EYA1: variants seen among roughly 807,000 people sequenced by gnomAD.
EYA1 encodes EYA transcriptional coactivator and phosphatase 1, also known as protein phosphatase EYA1.
EYA1 carries 16 observed loss-of-function variants against 82.0 expected under a neutral mutation model. The observed-to-expected ratio is 0.20, with a 90% CI of 0.13 to 0.30. The LOEUF is 0.30. Among genes scored for constraint, EYA1 ranks in the 10% least tolerant of loss-of-function variants. The probability of loss-of-function intolerance (pLI) is 1.00; values close to 1 mark genes in which losing one functional copy is unlikely to be tolerated. For missense variants in EYA1, 633 were observed against 730.7 expected (o/e 0.87, Z 1.54); for synonymous variants, 261 against 264.4 (o/e 0.99, Z 0.12).
At chr8:71,438,817 G>A (rs1225012566) in intron 2 of EYA1, among the ~76,000 whole-genome samples, 2 of 152,194 alleles carry the variant, frequency 1.3e-5, no homozygotes, top group Non-Finnish European at 2.9e-5. Context: ...CTGCTGCTTA[G>A]ATGGCAAGGT....
intron 2 of EYA1, among the ~76,000 whole-genome samples, chr8:71,481,123 A>G (rs1487406914): frequency 6.6e-6 from 1 of 152,228 alleles, no homozygotes; most frequent in Non-Finnish European, 1.5e-5. Flanking sequence ...AAAATTATGC[A>G]CAAATAAAGA....
intron 2 of EYA1, among the ~76,000 whole-genome samples, chr8:71,473,944 C>T (rs991689972): frequency 6.6e-6 from 1 of 151,940 alleles, no homozygotes; most frequent in African/African-American, 2.4e-5. Context: ...CAAACTAAAA[C>T]AGGAACAGAA....
At chr8:71,422,813 G>T (rs548722451) in intron 2 of EYA1, among the ~76,000 whole-genome samples, 11 of 152,016 alleles carry the variant, frequency 7.2e-5, no homozygotes, top group Non-Finnish European at 1.0e-4. Flanking sequence ...GAGGGTAACC[G>T]CCCCCATGAC....
At chr8:71,545,706 C>T (rs955989024) in intron 1 of EYA1, among the ~76,000 whole-genome samples, 3 of 151,850 alleles carry the variant, frequency 2.0e-5, no homozygotes, top group Non-Finnish European at 4.4e-5. Flanking sequence ...GGATTATAGG[C>T]GCCCACCACC....
intron 6 of EYA1, among the ~76,000 whole-genome samples, chr8:71,318,438 T>C (rs184064695): frequency 2.0e-5 from 3 of 152,338 alleles, no homozygotes; most frequent in Admixed American, 2.0e-4. Flanking sequence ...AGTACCTTTG[T>C]TTTTATCATA....
At chr8:71,238,413 C>T (rs1162542547) in intron 12 of EYA1, among the ~76,000 whole-genome samples, 1 of 152,028 alleles carries the variant, frequency 6.6e-6, no homozygotes, top group Non-Finnish European at 1.5e-5. Context: ...TTTATCCTTT[C>T]AAATAGAACT....
At chr8:71,505,814 C>T (rs1414285297) in intron 2 of EYA1, among the ~76,000 whole-genome samples, 2 of 152,148 alleles carry the variant, frequency 1.3e-5, no homozygotes, top group Non-Finnish European at 2.9e-5. Flanking sequence ...TATGTCCCCA[C>T]CCAAATTTCA....
chr8:71,245,180 A>G (rs1812929651), intron 11 of EYA1, among the ~76,000 whole-genome samples: 1 of 152,152 alleles, frequency 6.6e-6, no homozygotes, highest in African/African-American at 2.4e-5. Context: ...CTTTGAATGC[A>G]GCCCAACACA....
rs77407129 is a variant in EYA1, at chr8:71,311,346, A to T, written c.556+6206T>A. On this transcript the variant is annotated intron_variant, in intron 7 of 17. Transcript: ENST00000340726. ...GAGGCCGAAGCTGCTTCTGCTAAGC[A>T]GTTTTCTTACCTTTCATGCATGCGT... 2.1e-3 allele frequency among the ~76,000 whole-genome samples: 323 copies of T among 152,348 alleles called. 3 individuals carry two copies. The East Asian group carries it at 0.03, about 14-fold the overall frequency.
intron 17 of EYA1, among the ~76,000 whole-genome samples, chr8:71,203,098 C>G (rs796769366): frequency 2.6e-5 from 4 of 152,216 alleles, no homozygotes; most frequent in African/African-American, 9.6e-5. Flanking sequence ...AAGAAAAACA[C>G]ATGCTAGAAT....
At chr8:71,539,396 C>T (rs1814969106) in intron 1 of EYA1, among the ~76,000 whole-genome samples, 1 of 152,170 alleles carries the variant, frequency 6.6e-6, no homozygotes, top group Admixed American at 6.6e-5. Flanking sequence ...AGGGTAGGGG[C>T]ACCCACAGCT....
intron 2 of EYA1, among the ~76,000 whole-genome samples, chr8:71,384,816 T>C (rs1290782707): frequency 6.6e-6 from 1 of 152,166 alleles, no homozygotes; most frequent in African/African-American, 2.4e-5. Context: ...ATGAAATGCA[T>C]CTTACTCTTG....
intron 2 of EYA1, among the ~76,000 whole-genome samples, chr8:71,492,520 A>G (rs1811084437): frequency 6.7e-6 from 1 of 149,354 alleles, no homozygotes; most frequent in African/African-American, 2.5e-5. Flanking sequence ...GCTGGAGTGC[A>G]GTCGCGTGAT....
chr8:71,279,887 C>A (rs1382938926), intron 9 of EYA1, among the ~76,000 whole-genome samples: 1 of 152,110 alleles, frequency 6.6e-6, no homozygotes, highest in African/African-American at 2.4e-5. Context: ...TAGAGCAAGG[C>A]TCGGTAAATT....
intron 11 of EYA1, among the ~76,000 whole-genome samples, chr8:71,259,242 C>T (rs1814805888): frequency 6.6e-6 from 1 of 152,116 alleles, no homozygotes; most frequent in African/African-American, 2.4e-5. Flanking sequence ...TCAATCCTCC[C>T]TCTCCCGCAC....
chr8:71,324,883 T>C (rs966533754), intron 4 of EYA1, among the ~76,000 whole-genome samples: 20 of 152,190 alleles, frequency 1.3e-4, no homozygotes, highest in Non-Finnish European at 2.5e-4. Context: ...TGTCCTGGTT[T>C]AGGTCCCAAT....
chr8:71,352,540 T>A (rs1345163482), intron 3 of EYA1, among the ~76,000 whole-genome samples: 1 of 152,180 alleles, frequency 6.6e-6, no homozygotes, highest in Non-Finnish European at 1.5e-5. Flanking sequence ...AGTACATTAA[T>A]GAAGATTGCC....
rs1818002067 is a variant in EYA1, at chr8:71,283,106, T to C, written c.827-11209A>G. On this transcript the variant is annotated intron_variant, in intron 9 of 17. Coordinates refer to ENST00000340726, the MANE Select transcript of EYA1 (RefSeq NM_000503.6). ...CCACAAGGCCTTCTACTACAGCTTC[T>C]CTTCCTCCCTGCCTTTACCCTCCCA... 5.4e-5 allele frequency among the ~76,000 whole-genome samples: 8 copies of C among 148,356 alleles called. No homozygotes were observed. In the South Asian group the frequency reaches 1.8e-3, roughly 33 times the overall value.
chr8:71,405,804 C>A (rs1405522668), intron 2 of EYA1, among the ~76,000 whole-genome samples: 3 of 152,124 alleles, frequency 2.0e-5, no homozygotes, highest in Admixed American at 2.0e-4. Flanking sequence ...AAACCTTCCT[C>A]AAATTTTAAA....
Sources: gnomAD v4.1 joint callset for allele counts (sites outside exome capture counted in the v4.1 genomes callset) on GRCh38, gnomAD v4.1.1 for gene constraint, MANE v1.5 for transcripts, NCBI Gene and HGNC (gene_info 2026-07-23, HGNC 2026-07-21) for gene names.